PALS2: variants seen among roughly 807,000 people sequenced by gnomAD.
PALS2 encodes the protein protein associated with LIN7 2, MAGUK p55 family member.
PALS2 carries 27 observed loss-of-function variants against 61.6 expected under a neutral mutation model. The ratio of observed to expected loss-of-function variants is 0.44; its 90% CI spans 0.32 to 0.60. The LOEUF (loss-of-function observed/expected upper bound fraction) is 0.60, where lower values mean the gene tolerates loss of function less well. PALS2 is among the 20% of genes least tolerant of loss of function. The probability of loss-of-function intolerance (pLI) is 0.05; values close to 1 mark genes in which losing one functional copy is unlikely to be tolerated. For synonymous variants in PALS2, 236 were observed against 218.6 expected (o/e 1.08, Z -0.70); for missense variants, 554 against 639.4 (o/e 0.87, Z 1.44).
At chr7:24,647,220 C>T (rs1277788964) in intron 3 of PALS2, among the ~76,000 whole-genome samples, 1 of 149,990 alleles carries the variant, frequency 6.7e-6, no homozygotes. Context: ...GATCTCGGTT[C>T]TCTGCAGCCT....
chr7:24,630,434 G>T (rs1240926252), intron 2 of PALS2, among the ~76,000 whole-genome samples: 2 of 152,072 alleles, frequency 1.3e-5, no homozygotes, highest in African/African-American at 4.8e-5. Flanking sequence ...TTGTACTTAT[G>T]TAACAAACAT....
At chr7:24,652,366 A>T (rs1004404382) in intron 5 of PALS2, among the ~76,000 whole-genome samples, 1 of 152,170 alleles carries the variant, frequency 6.6e-6, no homozygotes, top group Non-Finnish European at 1.5e-5. Flanking sequence ...GAACTAACTG[A>T]ATACCATGAA....
chr7:24,676,943 T>C (rs1168409128), intron 9 of PALS2, among the ~76,000 whole-genome samples: 1 of 151,110 alleles, frequency 6.6e-6, no homozygotes, highest in Non-Finnish European at 1.5e-5. Flanking sequence ...GGGGATGGCA[T>C]TGAGTCTGTA....
chr7:24,671,377 G>T (rs1157056878), intron 9 of PALS2, among the ~76,000 whole-genome samples: 1 of 152,136 alleles, frequency 6.6e-6, no homozygotes, highest in African/African-American at 2.4e-5. Flanking sequence ...TAGGTTATTT[G>T]TCCTTTTCTT....
At chr7:24,626,314 T>C (rs1422585777) in intron 2 of PALS2, among the ~76,000 whole-genome samples, 1 of 151,492 alleles carries the variant, frequency 6.6e-6, no homozygotes, top group African/African-American at 2.4e-5. Flanking sequence ...GAAGAAAGAA[T>C]GAAAAAAAGA....
intron 2 of PALS2, among the ~76,000 whole-genome samples, chr7:24,640,994 C>A (rs1464081791): frequency 9.2e-6 from 1 of 109,166 alleles, no homozygotes; most frequent in Non-Finnish European, 1.6e-5. Context: ...GGCAACAGTG[C>A]GAGACTCCAT....
intron 1 of PALS2, among the ~76,000 whole-genome samples, chr7:24,590,039 G>C (rs993328757): frequency 2.6e-5 from 4 of 152,094 alleles, no homozygotes; most frequent in Non-Finnish European, 5.9e-5. Context: ...GGGAGAGGTG[G>C]TATGCTAATT....
At chr7:24,646,049 TG>T (rs1785815577) in intron 3 of PALS2, among the ~76,000 whole-genome samples, 1 of 152,088 alleles carries the variant, frequency 6.6e-6, no homozygotes, top group African/African-American at 2.4e-5. Context: ...GAGGAGCTTT[TG>T]GGCTGAGACT....
At position 24,691,405 on chromosome 7, in the gene PALS2, G is replaced by GTGTGTGTGTGTATATATA. The variant is rs1274329385; in HGVS notation, c.*3792_*3793insGTGTGTGTGTATATATAT. On this transcript the variant is annotated 3_prime_UTR_variant, in exon 12 of 12. Transcript: ENST00000222644. ...ATATTATGTATGTGTGTGTGTGTGT[G>GTGTGTGTGTGTATATATA]TATATATATATATATATATATATAT... 4.5e-5 allele frequency: 5 copies of GTGTGTGTGTGTATATATA among 110,592 alleles called. No individual in the cohort carries two copies. Among genetic ancestry groups the GTGTGTGTGTGTATATATA allele is most frequent in the African/African-American group, 1.5e-4 (5 of 32,376 alleles). The allele number at this position is 110,592 out of a possible 1,614,324, so 6.9% of individuals were successfully genotyped here.
In PALS2 at chr7:24,689,272, T is replaced by C. The variant is rs967323659; in HGVS notation, c.*1658T>C. On this transcript the variant is annotated 3_prime_UTR_variant, in exon 12 of 12. Transcript: ENST00000222644. ...ACATACTCAGAGATGCAGCTCATTA[T>C]TAAATTAAGGTAACCACATTCTGTA... 2 of 152,228 alleles carry C rather than the reference T, an allele frequency of 1.3e-5. No individual in the cohort carries two copies. The highest frequency in any genetic ancestry group is 4.8e-5 in the African/African-American group (2 of 41,468). 9.4% of individuals were successfully genotyped at this position (152,228 alleles called of 1,614,324 possible).
At position 24,585,784 on chromosome 7, in the gene PALS2, C is replaced by T. The variant is rs370272036; in HGVS notation, c.-3+12191C>T. On this transcript the variant is annotated intron_variant, in intron 1 of 11. Transcript: ENST00000222644. Reference sequence around the variant, plus strand: ...CGAGATCTCGGCTCACTACAAGCTCCGCCTCCTGGGTTCATGCCATTCTCC... The same window carrying T: ...CGAGATCTCGGCTCACTACAAGCTCTGCCTCCTGGGTTCATGCCATTCTCC... Among the ~76,000 whole-genome samples, 30 of 152,216 alleles carry T rather than the reference C, an allele frequency of 2.0e-4. No homozygotes were observed. In the South Asian group the frequency reaches 3.7e-3, roughly 19 times the overall value.
intron 2 of PALS2, among the ~76,000 whole-genome samples, chr7:24,639,338 A>G (rs956254609): frequency 6.6e-6 from 1 of 152,058 alleles, no homozygotes; most frequent in Non-Finnish European, 1.5e-5. Context: ...CACGCAAATC[A>G]CTTCACCTTT....
At chr7:24,631,186 C>G (rs889636900) in intron 2 of PALS2, among the ~76,000 whole-genome samples, 2 of 152,128 alleles carry the variant, frequency 1.3e-5, no homozygotes, top group African/African-American at 2.4e-5. Context: ...GGGAGAAGGT[C>G]AGAATATCAA....
Position 24,691,405 on chromosome 7 carries a change from G to GTGTGTGTGTGTGTGTGTGTA in PALS2, c.*3792_*3793insGTGTGTGTGTGTGTGTGTAT, listed in dbSNP as rs1274329385. 1.8e-5 allele frequency: 2 copies of GTGTGTGTGTGTGTGTGTGTA among 110,596 alleles called. No individual in the cohort carries two copies. Among genetic ancestry groups the GTGTGTGTGTGTGTGTGTGTA allele is most frequent in the African/African-American group, 6.2e-5 (2 of 32,340 alleles). 6.9% of individuals were successfully genotyped at this position (110,596 alleles called of 1,614,324 possible). On this transcript the variant is annotated 3_prime_UTR_variant, in exon 12 of 12. Transcript: ENST00000222644. ...ATATTATGTATGTGTGTGTGTGTGT[G>GTGTGTGTGTGTGTGTGTGTA]TATATATATATATATATATATATAT...
chr7:24,609,684 A>G (rs1293680242), intron 1 of PALS2, among the ~76,000 whole-genome samples: 2 of 151,892 alleles, frequency 1.3e-5, no homozygotes, highest in African/African-American at 4.8e-5. Flanking sequence ...AAAGAACGAG[A>G]TCTACCTCAG....
At position 24,668,665 on chromosome 7, in the gene PALS2, G is replaced by C; in HGVS notation, c.1114+5G>C. On this transcript the variant is annotated splice_donor_5th_base_variant and intron_variant, in intron 9 of 11. Transcript: ENST00000222644. ...GATTTGGAACTACGGTGCCATGTAAGTTTTCTGTGTTTTCCTTGCTATGCA... is the reference window on the plus strand; with the variant it reads ...GATTTGGAACTACGGTGCCATGTAACTTTTCTGTGTTTTCCTTGCTATGCA... The C allele has an allele frequency of 1.2e-6, 2 of 1,613,290 alleles. No homozygotes were observed. Among genetic ancestry groups the C allele is most frequent in the Non-Finnish European group, 1.7e-6 (2 of 1,179,704 alleles).
chr7:24,581,914 C>G (rs1190788154), intron 1 of PALS2, among the ~76,000 whole-genome samples: 2 of 152,154 alleles, frequency 1.3e-5, no homozygotes, highest in African/African-American at 2.4e-5. Context: ...TGACACATAT[C>G]TTAAATAATA....
At chr7:24,608,976 C>A (rs1784022445) in intron 1 of PALS2, among the ~76,000 whole-genome samples, 1 of 152,052 alleles carries the variant, frequency 6.6e-6, no homozygotes, top group Non-Finnish European at 1.5e-5. Flanking sequence ...TTGGTTGCTC[C>A]TTTGCTTCCT....
At position 24,596,603 on chromosome 7, in the gene PALS2, C is replaced by T. The variant is rs1439736607; in HGVS notation, c.-3+23010C>T. Among the ~76,000 whole-genome samples the T allele has an allele frequency of 6.6e-6, 1 of 151,958 alleles. No homozygotes were observed. ...TGTAAAATAATGAAGTTTTGACTTG[C>T]TTTGTTAATTAGTGGTTGGGTGAAT... On this transcript the variant is annotated intron_variant, in intron 1 of 11. Transcript: ENST00000222644. This position sits in a 1 kb window ranked among gnomAD's most constrained non-coding sequence, Gnocchi z 4.5.
Sources: allele counts gnomAD v4.1 joint callset (sites outside exome capture counted in the v4.1 genomes callset), GRCh38; gene constraint gnomAD v4.1.1; non-coding constraint Gnocchi (gnomAD v3.1); transcripts MANE v1.5; gene names NCBI Gene and HGNC (gene_info 2026-07-23, HGNC 2026-07-21).